ATG2B: variants seen among roughly 807,000 people sequenced by gnomAD.
ATG2B encodes autophagy-related protein 2 homolog B.
Under a neutral mutation model 241.3 loss-of-function variants are expected in ATG2B, and 121 were observed. The observed-to-expected ratio is 0.50, with a 90% CI of 0.43 to 0.58. ATG2B has a LOEUF of 0.58. Among genes scored for constraint, ATG2B ranks in the 20% least tolerant of loss-of-function variants. The pLI is 0.00. For missense variants in ATG2B, 2,306 were observed against 2,491.6 expected (o/e 0.93, Z 1.59); for synonymous variants, 858 against 876.6 (o/e 0.98, Z 0.37).
chr14:96,315,656 C>T, intron 21 of ATG2B, 73 bp from the exon 22 acceptor site: 1 of 1,235,582 alleles, frequency 8.1e-7, no homozygotes, highest in Middle Eastern at 1.9e-4. Flanking sequence ...TTACATGACT[C>T]AAAACAAAAA....
chr14:96,311,484 A>AT, intron 27 of ATG2B, 58 bp downstream of exon 27: 3 of 1,424,306 alleles, frequency 2.1e-6, no homozygotes, highest in Non-Finnish European at 2.9e-6. Flanking sequence ...GTTAAACTCA[A>AT]TTTTTTTAAT....
Position 96,290,684 on chromosome 14 carries a change from A to G in ATG2B, c.5702-94T>C. 6.4e-7 allele frequency: 1 copy of G among 1,561,146 alleles called. No individual in the cohort carries two copies. The highest frequency in any genetic ancestry group is 8.7e-7 in the Non-Finnish European group (1 of 1,149,784). On this transcript the variant is annotated intron_variant, in intron 39 of 41. Coordinates refer to ENST00000359933, the MANE Select transcript of ATG2B (RefSeq NM_018036.7). This position sits in a 1 kb window ranked among gnomAD's most constrained non-coding sequence, Gnocchi z 4.4. ...GTTTTTAACTCCTAAAACTGGAGGC[A>G]AAGTTTTGTGTATATGAGTACATAT...
intron 6 of ATG2B, among the ~76,000 whole-genome samples, chr14:96,340,103 A>ATATC: frequency 9.6e-6 from 1 of 103,840 alleles, no homozygotes; most frequent in Non-Finnish European, 2.0e-5. Flanking sequence ...TGCTATATAG[A>ATATC]ATATATGATA....
intron 34 of ATG2B, among the ~76,000 whole-genome samples, chr14:96,299,966 T>C (rs749631302): frequency 6.6e-6 from 1 of 152,192 alleles, no homozygotes; most frequent in Non-Finnish European, 1.5e-5. Context: ...TCCCAAAATA[T>C]GGTATAGCAA....
chr14:96,344,610 G>C, intron 4 of ATG2B, 44 bp downstream of exon 4: 1 of 1,067,270 alleles, frequency 9.4e-7, no homozygotes, highest in South Asian at 1.5e-5. Context: ...TGTAATATCA[G>C]AGTTACAATA....
chr14:96,296,388 T>C (rs74086410), intron 34 of ATG2B, among the ~76,000 whole-genome samples: 51,263 of 151,912 alleles, frequency 0.34, 9,136 homozygotes, highest in Middle Eastern at 0.45. Context: ...TCGTTTTGCC[T>C]ATCTCACTCA....
In ATG2B at chr14:96,289,418, G is replaced by A; in HGVS notation, c.6006+238C>T. 1 of 412,740 alleles carries A rather than the reference G, an allele frequency of 2.4e-6. No individual in the cohort carries two copies. The highest frequency in any genetic ancestry group is 3.9e-5 in the Admixed American group (1 of 25,798). 25.6% of individuals were successfully genotyped at this position (412,740 alleles called of 1,614,324 possible). On this transcript the variant is annotated intron_variant, in intron 41 of 41. Transcript: ENST00000359933. This position sits in a 1 kb window ranked among gnomAD's most constrained non-coding sequence, Gnocchi z 4.3. The stretch of plus-strand genomic sequence containing the variant: ...CTATCACTCCCTGAGTGCTTCTGCA[G>A]GTGAAGAGAGAGAATCCATCCACCC...
intron 34 of ATG2B, among the ~76,000 whole-genome samples, chr14:96,300,948 A>G (rs1012008489): frequency 6.6e-6 from 1 of 152,204 alleles, no homozygotes; most frequent in Non-Finnish European, 1.5e-5. Flanking sequence ...ACATTATTCA[A>G]CCAGTACTAT....
chr14:96,302,572 T>C (rs1265946709), intron 33 of ATG2B, among the ~76,000 whole-genome samples: 1 of 132,548 alleles, frequency 7.5e-6, no homozygotes, highest in Non-Finnish European at 1.8e-5. Flanking sequence ...TGAGACACTG[T>C]TGGGGGGAAA....
rs544087698 is a variant in ATG2B, at chr14:96,306,105, A to AT, written c.4507-291dup. ...AAAAGCACAAATTTAGTGTGTGGGTATTTTTTTTTGTTTAAAGTCAATACT... is the reference window on the plus strand; with the variant it reads ...AAAAGCACAAATTTAGTGTGTGGGTATTTTTTTTTTGTTTAAAGTCAATACT... On this transcript the variant is annotated intron_variant, in intron 30 of 41. Coordinates refer to ENST00000359933, the MANE Select transcript of ATG2B (RefSeq NM_018036.7). 3.6e-3 allele frequency among the ~76,000 whole-genome samples: 551 copies of AT among 151,472 alleles called. 1 individual carries two copies. Among genetic ancestry groups the AT allele is most frequent in the South Asian group, 0.01 (49 of 4,790 alleles).
At chr14:96,298,261 A>G (rs1375335214) in intron 34 of ATG2B, among the ~76,000 whole-genome samples, 1 of 152,230 alleles carries the variant, frequency 6.6e-6, no homozygotes, top group African/African-American at 2.4e-5. Context: ...TAAAATTTTA[A>G]GAACGACAAT....
Position 96,361,260 on chromosome 14 carries a change from G to A in ATG2B, c.162+1555C>T, listed in dbSNP as rs574359171. 2.0e-5 allele frequency among the ~76,000 whole-genome samples: 3 copies of A among 152,234 alleles called. No individual in the cohort carries two copies. In the East Asian group the frequency reaches 5.8e-4, roughly 29 times the overall value. On this transcript the variant is annotated intron_variant, in intron 1 of 41. Coordinates refer to ENST00000359933, the MANE Select transcript of ATG2B (RefSeq NM_018036.7). ...ACTAAATAAAACCTCACAAATGAAA[G>A]TGCCTAGTACAATGCCTGACATAAA...
chr14:96,289,727 G>A lies in ATG2B; in HGVS notation c.5935C>T (p.His1979Tyr). 2 of 1,614,204 alleles carry A rather than the reference G, an allele frequency of 1.2e-6. No individual in the cohort carries two copies. Among genetic ancestry groups the A allele is most frequent in the East Asian group, 4.5e-5 (2 of 44,894 alleles). Residue 1979 changes from histidine to tyrosine, a missense_variant, in exon 41 of 42, where the codon CAT (histidine) becomes TAT (tyrosine). By Grantham distance (83) the His-to-Tyr change is moderately conservative. This residue lies in a region of ATG2B where 379 missense variants were observed against 480.4 expected (regional missense o/e 0.79). Coordinates refer to ENST00000359933, the MANE Select transcript of ATG2B (RefSeq NM_018036.7). The surrounding 1 kb of genome is among the most constrained non-coding windows in gnomAD (Gnocchi z 4.3). ...ACTGGCTGGTGGGCTAACCGGTGAT[G>A]AGGAAACCTTTTGGTCTTCTTGGGC... ...IEPKKTKRFP[H>Y]HRLAHQPVDL...
At chr14:96,306,443 G>A (rs1278386636) in intron 30 of ATG2B, among the ~76,000 whole-genome samples, 4 of 151,868 alleles carry the variant, frequency 2.6e-5, no homozygotes, top group African/African-American at 7.3e-5. Context: ...TTAATTTCAC[G>A]ATCCTTGAAT....
Position 96,282,778 on chromosome 14 carries a change from TAGTTAA to T in ATG2B, c.*2971_*2976del, listed in dbSNP as rs1886233330. ...TACAGAACATCGTTTTTAAAGGAGA[TAGTTAA>T]AAAGTAATGCCCTAAAAGCCAGAAA... On this transcript the variant is annotated 3_prime_UTR_variant, in exon 42 of 42. Transcript: ENST00000359933. 1 of 152,238 alleles carries T rather than the reference TAGTTAA, an allele frequency of 6.6e-6. No individual in the cohort carries two copies. Among genetic ancestry groups the T allele is most frequent in the African/African-American group, 2.4e-5 (1 of 41,464 alleles). The allele number at this position is 152,238 out of a possible 1,614,324, so 9.4% of individuals were successfully genotyped here.
rs151259539 is a variant in ATG2B, at chr14:96,347,521, C to T, written c.163-180G>A. ...ACAAATGCTTCTGCACAGCAAAGGA[C>T]ACAATTAACAAAGTGAAGGGATAAC... On this transcript the variant is annotated intron_variant, in intron 1 of 41. Transcript: ENST00000359933. 1.2e-4 allele frequency among the ~76,000 whole-genome samples: 18 copies of T among 152,218 alleles called. No homozygotes were observed. In the East Asian group the frequency reaches 3.1e-3, roughly 26 times the overall value.
Position 96,308,282 on chromosome 14 carries a change from A to ATT in ATG2B, c.4303+1169_4303+1170dup, listed in dbSNP as rs71731196. 1.6e-3 allele frequency among the ~76,000 whole-genome samples: 59 copies of ATT among 37,016 alleles called. 2 individuals are homozygous for ATT. Among genetic ancestry groups the ATT allele is most frequent in the East Asian group, 0.014 (20 of 1,470 alleles). 24.3% of individuals were successfully genotyped at this position (37,016 alleles called of 152,430 possible). ...CATATATATATATATATATATATAT[A>ATT]TTTTTTTTTTTTTTTTTTTTGAGAC... On this transcript the variant is annotated intron_variant, in intron 29 of 41. Transcript: ENST00000359933.
In ATG2B at chr14:96,322,587, C is replaced by T. The variant is rs1380061442; in HGVS notation, c.2689G>A (p.Ala897Thr). ...LKDVCDLRRP[A>T]PSPFSSRRVM... ...CTACGAGAAGAAAAAGGAGATGGGG[C>T]TGGTCTTCTTAGATCACAAACATCT... Residue 897 changes from alanine to threonine, a missense_variant, in exon 17 of 42, where the codon GCC (alanine) becomes ACC (threonine). Physicochemically the swap from Ala to Thr is moderately conservative, Grantham distance 58. This residue lies in a region of ATG2B where 1,927 missense variants were observed against 2,011.2 expected (regional missense o/e 0.96). Coordinates refer to ENST00000359933, the MANE Select transcript of ATG2B (RefSeq NM_018036.7). 1.2e-6 allele frequency: 2 copies of T among 1,613,270 alleles called. No individual in the cohort carries two copies. The highest frequency in any genetic ancestry group is 1.3e-5 in the African/African-American group (1 of 74,884).
Position 96,341,652 on chromosome 14 carries a change from T to C in ATG2B, c.794A>G (p.Glu265Gly), listed in dbSNP as rs1424950504. ...ATTTCTAGTTAGCTGTGGGTGTGGC[T>C]CATAAATAATTTTGGGGTTCCAGCT... ...SPSWNPKIIYEPHPQLTRNLP... is the reference protein window; with the variant it reads ...SPSWNPKIIYGPHPQLTRNLP... Residue 265 changes from glutamate to glycine, a missense_variant, in exon 6 of 42, where the codon GAG (glutamate) becomes GGG (glycine). By Grantham distance (98) the Glu-to-Gly change is moderately conservative. Coordinates refer to ENST00000359933, the MANE Select transcript of ATG2B (RefSeq NM_018036.7). 2 of 1,594,910 alleles carry C rather than the reference T, an allele frequency of 1.3e-6. No homozygotes were observed. The highest frequency in any genetic ancestry group is 3.4e-5 in the Admixed American group (2 of 58,926).
Sources: allele counts gnomAD v4.1 joint callset (sites outside exome capture counted in the v4.1 genomes callset), GRCh38; gene constraint gnomAD v4.1.1; regional missense constraint gnomAD v4.1.1; non-coding constraint Gnocchi (gnomAD v3.1); transcripts MANE v1.5; gene names NCBI Gene and HGNC (gene_info 2026-07-23, HGNC 2026-07-21).